Variants in TRPM3 observed in about 807,000 individuals in gnomAD.
TRPM3 encodes the protein long transient receptor potential channel 3.
TRPM3 carries 77 observed loss-of-function variants against 181.2 expected under a neutral mutation model. That is an observed-to-expected ratio of 0.42 (90% CI 0.35 to 0.51). TRPM3 has a LOEUF of 0.51. Ranked by LOEUF, TRPM3 falls within the 20% of genes least tolerant of loss-of-function variation. TRPM3 has a pLI of 0.01. For synonymous variants in TRPM3, 745 were observed against 796.4 expected (o/e 0.94, Z 1.09); for missense variants, 1,759 against 2,196.7 (o/e 0.80, Z 3.98).
At chr9:70,982,575 C>T (rs1018260552) in intron 1 of TRPM3, among the ~76,000 whole-genome samples, 9 of 152,332 alleles carry the variant, frequency 5.9e-5, no homozygotes, top group Admixed American at 2.0e-4. Flanking sequence ...TTCCTGTCAA[C>T]GTTTAAATAT....
upstream of TRPM3, among the ~76,000 whole-genome samples, chr9:71,122,853 C>A (rs577964081): frequency 1.1e-4 from 16 of 152,298 alleles, no homozygotes; most frequent in East Asian, 2.9e-3. Context: ...GATTATCTAC[C>A]AAACAATATC....
At chr9:70,637,538 A>T (rs561635891) in intron 11 of TRPM3, among the ~76,000 whole-genome samples, 12 of 146,948 alleles carry the variant, frequency 8.2e-5, no homozygotes, top group South Asian at 2.2e-4. Context: ...TTATTTATTT[A>T]TTTTTTTTAA....
chr9:70,557,058 T>C (rs1286724510), intron 22 of TRPM3, among the ~76,000 whole-genome samples: 1 of 152,206 alleles, frequency 6.6e-6, no homozygotes, highest in East Asian at 1.9e-4. Context: ...ATGTATTCAG[T>C]GGTTATAATA....
chr9:70,793,469 A>ATATAT (rs1554710192), intron 6 of TRPM3: 23 of 123,194 alleles, frequency 1.9e-4, no homozygotes, highest in Middle Eastern at 4.7e-3. Context: ...AAAAAAAAAA[A>ATATAT]ATATATATAT....
intron 1 of TRPM3, among the ~76,000 whole-genome samples, chr9:71,163,863 G>C (rs980915083): frequency 2.6e-5 from 4 of 152,140 alleles, no homozygotes; most frequent in Admixed American, 1.3e-4. Flanking sequence ...TAGTAGCAGA[G>C]AATGGTCAAT....
At chr9:71,150,310 T>C (rs2075663250) in intron 1 of TRPM3, among the ~76,000 whole-genome samples, 1 of 152,084 alleles carries the variant, frequency 6.6e-6, no homozygotes, top group African/African-American at 2.4e-5. Context: ...CAAATACATT[T>C]GAAAATCTGT....
chr9:70,766,049 C>T (rs2079050003), intron 7 of TRPM3, among the ~76,000 whole-genome samples: 2 of 152,100 alleles, frequency 1.3e-5, no homozygotes, highest in South Asian at 4.1e-4. Context: ...TTTGGTACAT[C>T]TCAAATTAGA....
intron 22 of TRPM3, among the ~76,000 whole-genome samples, chr9:70,567,460 C>T (rs1048548021): frequency 2.6e-5 from 4 of 152,216 alleles, no homozygotes; most frequent in Non-Finnish European, 4.4e-5. Context: ...GGCTTCACTT[C>T]GCCAACACAT....
intron 1 of TRPM3, among the ~76,000 whole-genome samples, chr9:71,071,116 C>T (rs1197719518): frequency 6.6e-6 from 1 of 151,986 alleles, no homozygotes. Context: ...CTGATTGTCC[C>T]CCAGTATGTA....
intron 8 of TRPM3, among the ~76,000 whole-genome samples, chr9:70,688,367 TG>T (rs2134385715): frequency 6.6e-6 from 1 of 152,328 alleles, no homozygotes; most frequent in East Asian, 1.9e-4. Flanking sequence ...AGTTCTATAG[TG>T]GTGATTTCTG....
intron 1 of TRPM3, among the ~76,000 whole-genome samples, chr9:71,176,966 A>G (rs2077134128): frequency 6.6e-6 from 1 of 152,106 alleles, no homozygotes; most frequent in African/African-American, 2.4e-5. Flanking sequence ...GAACTGGGAC[A>G]CACAGCACAA....
chr9:71,004,304 G>T (rs2097649977), intron 1 of TRPM3, among the ~76,000 whole-genome samples: 1 of 152,376 alleles, frequency 6.6e-6, no homozygotes, highest in East Asian at 1.9e-4. Flanking sequence ...ACAACCCAAA[G>T]GCTGGTGATT....
intron 1 of TRPM3, among the ~76,000 whole-genome samples, chr9:71,196,211 C>A (rs899426540): frequency 6.6e-5 from 10 of 151,142 alleles, no homozygotes; most frequent in South Asian, 2.1e-4. Context: ...CTTATTTGCT[C>A]TACCTGTGGT....
chr9:70,788,163 TCC>T (rs1554707254), intron 6 of TRPM3, among the ~76,000 whole-genome samples: 4 of 54,292 alleles, frequency 7.4e-5, no homozygotes, highest in Non-Finnish European at 1.0e-4. Flanking sequence ...CCCTCCCCCC[TCC>T]CCCCACCCCA....
At chr9:71,444,467 C>G (rs368376078) in intron 1 of TRPM3, among the ~76,000 whole-genome samples, 1 of 151,932 alleles carries the variant, frequency 6.6e-6, no homozygotes, top group Admixed American at 6.6e-5. Flanking sequence ...GGATGGATAC[C>G]ACAATATTTT....
chr9:71,341,757 A>C (rs2090979239), intron 1 of TRPM3, among the ~76,000 whole-genome samples: 1 of 152,056 alleles, frequency 6.6e-6, no homozygotes, highest in South Asian at 2.1e-4. Context: ...TTAATTTCTT[A>C]GTTTTGATAA....
At chr9:71,269,361 CAGCAGGGGCATGGCA>C (rs58169966) in intron 1 of TRPM3, among the ~76,000 whole-genome samples, 80,989 of 151,934 alleles carry the variant, frequency 0.53, 21,780 homozygotes, top group African/African-American at 0.62. Flanking sequence ...TTGAGGGACT[CAGCAGGGGCATGGCA>C]AGCATGTCTG....
intron 1 of TRPM3, among the ~76,000 whole-genome samples, chr9:71,105,334 C>T (rs1161742691): frequency 6.6e-6 from 1 of 152,118 alleles, no homozygotes; most frequent in Non-Finnish European, 1.5e-5. Flanking sequence ...CTCAGGAAAA[C>T]AAAGGTTATT....
chr9:70,747,774 T>A (rs1252550715), intron 8 of TRPM3, among the ~76,000 whole-genome samples: 1 of 151,960 alleles, frequency 6.6e-6, no homozygotes, highest in Non-Finnish European at 1.5e-5. Flanking sequence ...TGCCAACCCC[T>A]GCAGTGTGTA....
Sources: gnomAD v4.1 joint callset for allele counts (sites outside exome capture counted in the v4.1 genomes callset) on GRCh38, gnomAD v4.1.1 for gene constraint, MANE v1.5 for transcripts, NCBI Gene and HGNC (gene_info 2026-07-23, HGNC 2026-07-21) for gene names.